The following LTN1 variants were observed in gnomAD, a reference collection of about 807,000 sequenced individuals.
LTN1 encodes the protein E3 ubiquitin-protein ligase listerin.
LTN1 carries 88 observed loss-of-function variants against 201.2 expected under a neutral mutation model. The ratio of observed to expected loss-of-function variants is 0.44; its 90% confidence interval spans 0.37 to 0.52. The LOEUF is 0.52. Ranked by LOEUF, LTN1 falls within the 20% of genes least tolerant of loss-of-function variation. LTN1 has a pLI of 0.00. For missense variants in LTN1, 1,752 were observed against 2,038.7 expected, an observed-to-expected ratio of 0.86 and a Z score of 2.71; for synonymous variants, 645 against 713.5, an observed-to-expected ratio of 0.90 and a Z score of 1.53.
chr21:28,969,941 G>A (rs898087792), intron 8 of LTN1, among the ~76,000 whole-genome samples: 4 of 151,600 alleles, frequency 2.6e-5, no homozygotes, highest in African/African-American at 9.7e-5. Context: ...ACTTTGGCCT[G>A]TGCTAGGATT....
chr21:28,963,158 T>C (rs1057510354), intron 11 of LTN1, among the ~76,000 whole-genome samples: 1 of 152,232 alleles, frequency 6.6e-6, no homozygotes, highest in African/African-American at 2.4e-5. Flanking sequence ...CTAAGATCAA[T>C]AATGAAGGTG....
At chr21:28,946,059 T>C in intron 20 of LTN1, 93 bp downstream of exon 20, 1 of 1,436,158 alleles carries the variant, frequency 7.0e-7, no homozygotes, top group Non-Finnish European at 9.5e-7. Flanking sequence ...CTTAAATGTC[T>C]ACCATAATTT....
In LTN1 at chr21:28,955,405, C is replaced by A. The variant is rs8134402; in HGVS notation, c.3079+1357G>T. Reference sequence around the variant, plus strand: ...AAATTAGTACAGCCATTTTGGAAAACGATATGGAAGTATTTCAAAAAACTA... The same window carrying A: ...AAATTAGTACAGCCATTTTGGAAAAAGATATGGAAGTATTTCAAAAAACTA... On this transcript the variant is annotated intron_variant, in intron 16 of 29. Coordinates refer to ENST00000361371, the MANE Select transcript of LTN1 (RefSeq NM_015565.3). Among the ~76,000 whole-genome samples the A allele has an allele frequency of 1.4e-3, 182 of 132,776 alleles. 1 individual carries two copies. The highest frequency in any genetic ancestry group is 4.7e-3 in the African/African-American group (151 of 32,210). The allele number at this position is 132,776 out of a possible 152,430, so 87.1% of individuals were successfully genotyped here. A position where few individuals can be genotyped will look rare whatever the true frequency, so the allele number is the denominator to read the frequency against.
In LTN1 at chr21:28,928,263, T is replaced by A. The variant is rs1318086962; in HGVS notation, c.*2185A>T. ...TTTTTCTGCATATTTGAAATATTTT[T>A]AATTAAAAAGAATTTTAATGGGCAC... On this transcript the variant is annotated 3_prime_UTR_variant, in exon 30 of 30. Transcript: ENST00000361371. 2 of 152,636 alleles carry A rather than the reference T, an allele frequency of 1.3e-5. No homozygotes were observed. The highest frequency in any genetic ancestry group is 2.9e-5 in the Non-Finnish European group (2 of 68,024). The allele number at this position is 152,636 out of a possible 1,614,324, so 9.5% of individuals were successfully genotyped here.
At chr21:28,945,700 AGG>A in intron 21 of LTN1, 105 bp downstream of exon 21, 1 of 1,010,318 alleles carries the variant, frequency 9.9e-7, no homozygotes, top group Non-Finnish European at 1.4e-6. Context: ...AATTATACAA[AGG>A]AACCAATTAC....
At position 28,958,452 on chromosome 21, in the gene LTN1, G is replaced by T; in HGVS notation, c.2681C>A (p.Thr894Asn). Residue 894 changes from threonine (T) to asparagine (N), a missense_variant, in exon 14 of 30, where the codon ACC becomes AAC. Thr to Asn is a moderately conservative substitution (Grantham distance 65). Around this residue, in one of 3 missense-constraint regions of LTN1, gnomAD observed 1,211 missense variants for 1,312.8 expected, o/e 0.92. Coordinates refer to ENST00000361371, the MANE Select transcript of LTN1 (RefSeq NM_015565.3). ...HQTDSSYKESTFLHLSALWLK... is the reference protein window; with the variant it reads ...HQTDSSYKESNFLHLSALWLK... ...CCACAGAGCAGACAAATGTAGGAAG[G>T]TACTCTCTTTATATGAACTGTCAGT... 6.2e-7 allele frequency: 1 copy of T among 1,611,858 alleles called. No homozygotes were observed. Among genetic ancestry groups the T allele is most frequent in the Non-Finnish European group, 8.5e-7 (1 of 1,178,954 alleles).
chr21:28,946,212 C>T lies in LTN1; in HGVS notation c.3563G>A (p.Gly1188Glu), dbSNP rs1295910756. The change falls in exon 20 of 30, where the codon GGA (glycine) becomes GAA (glutamate). Residue 1188 changes from glycine to glutamate, a missense_variant. Gly to Glu is a moderately conservative substitution (Grantham distance 98). Around this residue, in one of 3 missense-constraint regions of LTN1, gnomAD observed 1,211 missense variants for 1,312.8 expected, o/e 0.92. Coordinates refer to ENST00000361371, the MANE Select transcript of LTN1 (RefSeq NM_015565.3). ...CCAGGATATTATGATTTTTAATATT[C>T]CATGTAATAGCTCTCCATCATCTAT... ...KSIDDGELLH[G>E]ILKIIISWKK... 6.3e-7 allele frequency: 1 copy of T among 1,590,398 alleles called. No homozygotes were observed. The highest frequency in any genetic ancestry group is 1.4e-5 in the African/African-American group (1 of 73,844).
Position 28,960,606 on chromosome 21 carries a change from T to C in LTN1, c.2264A>G (p.Glu755Gly). 6.2e-7 allele frequency: 1 copy of C among 1,613,870 alleles called. No individual in the cohort carries two copies. The highest frequency in any genetic ancestry group is 8.5e-7 in the Non-Finnish European group (1 of 1,179,782). The change falls in exon 12 of 30, where the codon GAG becomes GGG. Residue 755 changes from glutamate (E) to glycine (G), a missense_variant. Glu to Gly is a moderately conservative substitution (Grantham distance 98, BLOSUM62 -2). This residue lies in a region of LTN1 where 1,211 missense variants were observed against 1,312.8 expected (regional missense o/e 0.92). Coordinates refer to ENST00000361371, the MANE Select transcript of LTN1 (RefSeq NM_015565.3). The stretch of plus-strand genomic sequence containing the variant: ...TGAAGATACCCTGGATTCCAAGTCC[T>C]CATTACAAAGACAATCTGCCAAGTT... ...LVNLADCLCN[E>G]DLESRVSSES...
chr21:28,958,361 T>TG (rs922680520), intron 14 of LTN1, 25 bp downstream of exon 14: 31 of 1,591,692 alleles, frequency 1.9e-5, no homozygotes, highest in Non-Finnish European at 2.5e-5. Context: ...AAAGAGACAC[T>TG]GAAACCAAGC....
At chr21:28,954,135 T>C (rs1182444319) in intron 16 of LTN1, among the ~76,000 whole-genome samples, 1 of 152,240 alleles carries the variant, frequency 6.6e-6, no homozygotes, top group Non-Finnish European at 1.5e-5. Context: ...ATTGCCAATT[T>C]GTAATTAGTA....
At chr21:28,955,880 G>A (rs1179931712) in intron 16 of LTN1, among the ~76,000 whole-genome samples, 5 of 134,562 alleles carry the variant, frequency 3.7e-5, no homozygotes, top group African/African-American at 1.1e-4. Flanking sequence ...CCGAGATTGC[G>A]CCACTGCACT....
Position 28,941,267 on chromosome 21 carries a change from G to T in LTN1, c.4435C>A (p.Leu1479Ile). ...EDFCYVLGYL[L>I]TWKLILTFFK... ...AAAGTTAGTATTAATTTCCAAGTGAGAAGGTATCCCAGAACATAACAGAAG... is the reference window on the plus strand; with the variant it reads ...AAAGTTAGTATTAATTTCCAAGTGATAAGGTATCCCAGAACATAACAGAAG... The change falls in exon 25 of 30, where the codon CTC becomes ATC. Residue 1479 changes from leucine to isoleucine, a missense_variant. By Grantham distance (5) the Leu-to-Ile change is conservative. Around this residue, in one of 3 missense-constraint regions of LTN1, gnomAD observed 261 missense variants for 350.1 expected, o/e 0.75. Transcript: ENST00000361371. 6.2e-7 allele frequency: 1 copy of T among 1,612,296 alleles called. No homozygotes were observed. The highest frequency in any genetic ancestry group is 8.5e-7 in the Non-Finnish European group (1 of 1,179,464).
rs879801308 is a variant in LTN1, at chr21:28,986,656, A to G, written c.246+75T>C. On this transcript the variant is annotated intron_variant, in intron 2 of 29. Coordinates refer to ENST00000361371, the MANE Select transcript of LTN1 (RefSeq NM_015565.3). The surrounding 1 kb of genome is among the most constrained non-coding windows in gnomAD (Gnocchi z 4.1). ...CAATAAATTGTTCATTTTTCTTTAC[A>G]TAAAACATGCTAATGACATTTTATT... 5 of 1,169,494 alleles carry G rather than the reference A, an allele frequency of 4.3e-6. No homozygotes were observed. The highest frequency in any genetic ancestry group is 6.2e-6 in the Non-Finnish European group (5 of 800,574). 72.4% of individuals were successfully genotyped at this position (1,169,494 alleles called of 1,614,324 possible).
rs534071779 is a variant in LTN1 at position 28,932,732 on chromosome 21, G to A, written c.4876-68C>T. On this transcript the variant is annotated intron_variant, in intron 27 of 29. Transcript: ENST00000361371. ...TTTCAACCAGAAAACATTTTGATAG[G>A]TTGACTATTAAAAGCTAAAGACTTC... is the stretch of plus-strand genomic sequence containing the variant. 13 of 1,058,994 alleles carry A rather than the reference G, an allele frequency of 1.2e-5. No homozygotes were observed. The South Asian group carries it at 1.8e-4, about 15-fold the overall frequency. 65.6% of individuals were successfully genotyped at this position (1,058,994 alleles called of 1,614,324 possible). A position where few individuals can be genotyped will look rare whatever the true frequency, so the allele number is the denominator to read the frequency against.
chr21:28,934,986 G>A (rs1239682059), intron 27 of LTN1, 123 bp downstream of exon 27: 10 of 698,956 alleles, frequency 1.4e-5, no homozygotes, highest in African/African-American at 7.2e-5. Context: ...CATGAGCCAC[G>A]ACTCCTGGCC....
At chr21:28,957,229 T>C (rs909057966) in intron 15 of LTN1, 103 bp downstream of exon 15, 12 of 1,177,106 alleles carry the variant, frequency 1.0e-5, no homozygotes, top group Non-Finnish European at 1.4e-5. Flanking sequence ...CAAAGCAAAA[T>C]ACTCATTTTA....
At position 28,982,387 on chromosome 21, in the gene LTN1, C is replaced by G. The variant is rs1242699185; in HGVS notation, c.577-19G>C. ...GCAGCACCTACAAAGGGGGGAAATA[C>G]CAAAGCCTTTGGTTTTACTGAACTG... On this transcript the variant is annotated intron_variant, in intron 4 of 29. Transcript: ENST00000361371. 1 of 1,604,086 alleles carries G rather than the reference C, an allele frequency of 6.2e-7. No individual in the cohort carries two copies. Among genetic ancestry groups the G allele is most frequent in the Non-Finnish European group, 8.5e-7 (1 of 1,171,210 alleles).
Position 28,957,637 on chromosome 21 carries a change from A to G in LTN1, c.2748-161T>C, listed in dbSNP as rs113657302. Among the ~76,000 whole-genome samples, 1,061 of 152,338 alleles carry G rather than the reference A, an allele frequency of 7.0e-3. 9 individuals are homozygous for G. The highest frequency in any genetic ancestry group is 0.025 in the African/African-American group (1,027 of 41,574). ...TCCCCCACCGATGACACACCAACAT[A>G]ACAGTCAAACTGGGGAGGTAATCCA... is the stretch of plus-strand genomic sequence containing the variant. On this transcript the variant is annotated intron_variant, in intron 14 of 29. Coordinates refer to ENST00000361371, the MANE Select transcript of LTN1 (RefSeq NM_015565.3).
chr21:28,943,647 T>A lies in LTN1; in HGVS notation c.4220+20A>T. ...TTTTTTAGACCACTGTAACATTGAT[T>A]CAATTGGATGAATTCTTACTTGTAT... On this transcript the variant is annotated intron_variant, in intron 23 of 29. Transcript: ENST00000361371. 6.7e-7 allele frequency: 1 copy of A among 1,501,848 alleles called. No individual in the cohort carries two copies. The highest frequency in any genetic ancestry group is 1.7e-5 in the Admixed American group (1 of 59,774). The allele number at this position is 1,501,848 out of a possible 1,614,324, so 93.0% of individuals were successfully genotyped here.
Sources: gnomAD v4.1 joint callset for allele counts (sites outside exome capture counted in the v4.1 genomes callset) on GRCh38, gnomAD v4.1.1 for gene constraint, gnomAD v4.1.1 regional missense constraint, Gnocchi (gnomAD v3.1) non-coding constraint, MANE v1.5 for transcripts, NCBI Gene and HGNC (gene_info 2026-07-23, HGNC 2026-07-21) for gene names.